Variants in XPC observed in about 807,000 individuals in gnomAD.
The protein encoded by XPC is DNA repair protein complementing XP-C cells.
Under a neutral mutation model 95.8 loss-of-function variants are expected in XPC, and 76 were observed. The observed-to-expected ratio is 0.79, with a 90% confidence interval of 0.66 to 0.96. The LOEUF (loss-of-function observed/expected upper bound fraction) is 0.96. XPC is among the 40% of genes least tolerant of loss of function. The pLI, the probability that XPC is intolerant of heterozygous loss-of-function variation, is 0.00. For synonymous variants in XPC, 442 were observed against 442.1 expected (o/e 1.00, Z 0.00); for missense variants, 1,146 against 1,179.8 (o/e 0.97, Z 0.42).
At chr3:14,167,301 C>A in intron 4 of XPC, 48 bp from the exon 5 acceptor site, 1 of 1,503,808 alleles carries the variant, frequency 6.6e-7, no homozygotes. Flanking sequence ...GAACTGAAAC[C>A]AGACTCCACT....
chr3:14,164,547 G>T, intron 7 of XPC: 1 of 328,456 alleles, frequency 3.0e-6, no homozygotes, highest in Non-Finnish European at 5.5e-6. Context: ...CGGGCTTTTT[G>T]GTACACCACA....
At chr3:14,178,330 GC>G (rs1210085489) in intron 1 of XPC, 135 bp downstream of exon 1, 1 of 1,027,694 alleles carries the variant, frequency 9.7e-7, no homozygotes, top group Non-Finnish European at 1.3e-6. Context: ...GCCGCAGCCT[GC>G]CGGGCTGCCC....
At chr3:14,152,980 ACT>A (rs1695756983) in intron 10 of XPC, 1 of 152,122 alleles carries the variant, frequency 6.6e-6, no homozygotes, top group Admixed American at 6.6e-5. Context: ...CTCTGGCTTC[ACT>A]CTTCCTCCCG....
intron 7 of XPC, 123 bp downstream of exon 7, chr3:14,164,690 G>A (rs1208596779): frequency 1.1e-5 from 11 of 1,000,214 alleles, no homozygotes; most frequent in African/African-American, 3.3e-5. Flanking sequence ...AGCTATCAAC[G>A]TCATTATGAG....
chr3:14,145,301 CCTTTT>C lies in XPC; in HGVS notation c.*635_*639del, dbSNP rs772343650. The C allele has an allele frequency of 1.7e-5, 12 of 697,326 alleles. No individual in the cohort carries two copies. In the South Asian group the frequency reaches 1.8e-4, roughly 10 times the overall value. The allele number at this position is 697,326 out of a possible 1,614,324, so 43.2% of individuals were successfully genotyped here. ...TCCTTAATTTTCAATTCGTATTTTT[CCTTTT>C]CTTTCCTGATTTTAGCTTTTTTTAG... is the stretch of plus-strand genomic sequence containing the variant. On this transcript the variant is annotated 3_prime_UTR_variant, in exon 16 of 16. Transcript: ENST00000285021.
rs367844616 is a variant in XPC at position 14,176,317 on chromosome 3, TA to T, written c.103+2148del. ...CCGGCCCCTTTTTGTGACCCCTTGC[TA>T]AAATACCAACCATCCTTTAAATCAC... On this transcript the variant is annotated intron_variant, in intron 1 of 15. Transcript: ENST00000285021. 3.3e-4 allele frequency among the ~76,000 whole-genome samples: 51 copies of T among 152,350 alleles called. 1 individual carries two copies. Among genetic ancestry groups the T allele is most frequent in the Middle Eastern group, 3.4e-3 (1 of 294 alleles).
Position 14,145,401 on chromosome 3 carries a change from T to TC in XPC, c.*539dup. The TC allele has an allele frequency of 1.4e-6, 1 of 699,296 alleles. No individual in the cohort carries two copies. The highest frequency in any genetic ancestry group is 2.7e-5 in the East Asian group (1 of 37,248). The allele number at this position is 699,296 out of a possible 1,614,324, so 43.3% of individuals were successfully genotyped here. On this transcript the variant is annotated 3_prime_UTR_variant, in exon 16 of 16. Coordinates refer to ENST00000285021, the MANE Select transcript of XPC (RefSeq NM_004628.5). ...AGATGACCTGTACTTCTCTGCTCTC[T>TC]CCCCTACTGCAAAGAGGCAGTGAGG...
intron 10 of XPC, chr3:14,153,530 CAGCTA>C (rs759754888): frequency 1.1e-4 from 18 of 156,680 alleles, no homozygotes; most frequent in African/African-American, 2.4e-5. Flanking sequence ...AAGGGAGGCT[CAGCTA>C]AGCTATGACC....
In XPC at chr3:14,145,480, T is replaced by A; in HGVS notation, c.*461A>T. 1.4e-6 allele frequency: 1 copy of A among 697,592 alleles called. No individual in the cohort carries two copies. The highest frequency in any genetic ancestry group is 2.6e-6 in the Non-Finnish European group (1 of 382,708). The allele number at this position is 697,592 out of a possible 1,614,324, so 43.2% of individuals were successfully genotyped here. On this transcript the variant is annotated 3_prime_UTR_variant, in exon 16 of 16. Coordinates refer to ENST00000285021, the MANE Select transcript of XPC (RefSeq NM_004628.5). ...AGGTAAGTGGCCTGCAGAGAAATGGTCCTAGGTCCGCAACCGAGGCGAGTG... is the reference window on the plus strand; with the variant it reads ...AGGTAAGTGGCCTGCAGAGAAATGGACCTAGGTCCGCAACCGAGGCGAGTG...
At chr3:14,156,723 A>C (rs553350937) in intron 9 of XPC, among the ~76,000 whole-genome samples, 1 of 152,344 alleles carries the variant, frequency 6.6e-6, no homozygotes. Flanking sequence ...TGGCAACTTC[A>C]AAAAGTTGTC....
chr3:14,147,116 C>T (rs912383559), intron 15 of XPC, among the ~76,000 whole-genome samples, 174 bp downstream of exon 15: 2 of 152,222 alleles, frequency 1.3e-5, no homozygotes, highest in African/African-American at 4.8e-5. Context: ...ACTCCAGGGA[C>T]ACCTTTCCCA....
chr3:14,147,861 T>A (rs1216511299), intron 14 of XPC, 47 bp downstream of exon 14: 6 of 1,528,570 alleles, frequency 3.9e-6, no homozygotes, highest in Non-Finnish European at 5.3e-6. Flanking sequence ...ACCCGCTGAG[T>A]GTTGCTTCCC....
intron 1 of XPC, among the ~76,000 whole-genome samples, chr3:14,175,208 T>C (rs181246493): frequency 1.5e-3 from 225 of 152,260 alleles, no homozygotes; most frequent in African/African-American, 5.3e-3. Flanking sequence ...TGCCTAGAAC[T>C]CTTTTCCCCA....
rs3731059 is a variant in XPC, at chr3:14,173,714, A to G, written c.104-652T>C. On this transcript the variant is annotated intron_variant, in intron 1 of 15. Coordinates refer to ENST00000285021, the MANE Select transcript of XPC (RefSeq NM_004628.5). Reference sequence around the variant, plus strand: ...ATGCATAAGCTGCTGGTTTTAGTCAAATTGGGGTATCTAAAATTATGGTTT... The same window carrying G: ...ATGCATAAGCTGCTGGTTTTAGTCAGATTGGGGTATCTAAAATTATGGTTT... 4.7e-4 allele frequency among the ~76,000 whole-genome samples: 72 copies of G among 152,320 alleles called. 1 individual carries two copies. In the East Asian group the frequency reaches 0.01, roughly 22 times the overall value.
chr3:14,170,318 G>C, intron 3 of XPC, 120 bp downstream of exon 3: 1 of 911,100 alleles, frequency 1.1e-6, no homozygotes, highest in Non-Finnish European at 1.7e-6. Context: ...AACCTTATCT[G>C]TGGTCTAATT....
intron 10 of XPC, among the ~76,000 whole-genome samples, chr3:14,154,626 G>A (rs1695827897): frequency 6.6e-6 from 1 of 152,180 alleles, no homozygotes; most frequent in East Asian, 1.9e-4. Flanking sequence ...AGAATGGTGG[G>A]TGCAGGGCTG....
Position 14,164,936 on chromosome 3 carries a change from G to T in XPC, c.780-3C>A. 1 of 1,605,880 alleles carries T rather than the reference G, an allele frequency of 6.2e-7. No homozygotes were observed. Among genetic ancestry groups the T allele is most frequent in the Non-Finnish European group, 8.5e-7 (1 of 1,176,412 alleles). On this transcript the variant is annotated splice_region_variant and splice_polypyrimidine_tract_variant and intron_variant, in intron 6 of 15. Coordinates refer to ENST00000285021, the MANE Select transcript of XPC (RefSeq NM_004628.5). ...TAACTGTAAATGTTCCAATGAACCTGGGGAGAAAGCAGGCATTCCTTGTGT... is the reference window on the plus strand; with the variant it reads ...TAACTGTAAATGTTCCAATGAACCTTGGGAGAAAGCAGGCATTCCTTGTGT...
At chr3:14,172,079 G>A (rs1222475966) in intron 2 of XPC, among the ~76,000 whole-genome samples, 1 of 151,996 alleles carries the variant, frequency 6.6e-6, no homozygotes, top group African/African-American at 2.4e-5. Flanking sequence ...TTTCTTAGGA[G>A]GCAGAAAATC....
chr3:14,172,907 C>T lies in XPC; in HGVS notation c.259G>A (p.Val87Ile), dbSNP rs374572265. ...TCGCTGAGGGCTTCATCCTTTATAA[C>T]CTTGAGGTTTTCAGATTTAACAGTC... ...KVTVKSENLK[V>I]IKDEALSDGD... The change falls in exon 2 of 16, where the codon GTT becomes ATT. Residue 87 changes from valine to isoleucine, a missense_variant. Physicochemically the swap from Val to Ile is conservative, Grantham distance 29 (BLOSUM62 3). Transcript: ENST00000285021. 1 of 1,613,978 alleles carries T rather than the reference C, an allele frequency of 6.2e-7. No individual in the cohort carries two copies. The highest frequency in any genetic ancestry group is 8.5e-7 in the Non-Finnish European group (1 of 1,179,862).
Sources: gnomAD v4.1 joint callset for allele counts (sites outside exome capture counted in the v4.1 genomes callset) on GRCh38, gnomAD v4.1.1 for gene constraint, MANE v1.5 for transcripts, NCBI Gene and HGNC (gene_info 2026-07-23, HGNC 2026-07-21) for gene names.